The following CDH2 variants were observed in gnomAD, a reference collection of about 807,000 sequenced individuals.
The protein encoded by CDH2 is cadherin-2.
In CDH2, 17 loss-of-function variants were observed where a neutral mutation model predicts 92.0. The ratio of observed to expected loss-of-function variants is 0.18; its 90% CI spans 0.13 to 0.28. The LOEUF is 0.28. Among genes scored for constraint, CDH2 ranks in the 10% least tolerant of loss-of-function variants. The probability of loss-of-function intolerance (pLI) is 1.00; values close to 1 mark genes in which losing one functional copy is unlikely to be tolerated. For missense variants in CDH2, 862 were observed against 1,133.1 expected, an observed-to-expected ratio of 0.76 and a Z score of 3.44; for synonymous variants, 419 against 415.9, an observed-to-expected ratio of 1.01 and a Z score of -0.09.
At chr18:28,157,671 A>C (rs1313626516) in intron 1 of CDH2, among the ~76,000 whole-genome samples, 1 of 152,212 alleles carries the variant, frequency 6.6e-6, no homozygotes, top group East Asian at 1.9e-4. Context: ...ATTGAGACTA[A>C]GTGAAAAATC....
intron 2 of CDH2, among the ~76,000 whole-genome samples, chr18:28,086,846 C>T (rs1480277637): frequency 6.6e-6 from 1 of 152,114 alleles, no homozygotes; most frequent in Non-Finnish European, 1.5e-5. Flanking sequence ...ATAATGAGTT[C>T]TTTTCTCTTA....
intron 14 of CDH2, among the ~76,000 whole-genome samples, chr18:27,975,833 T>G (rs564673264): frequency 6.6e-6 from 1 of 152,240 alleles, no homozygotes; most frequent in South Asian, 2.1e-4. Flanking sequence ...AGAATTTTAT[T>G]GAGCAATGAA....
At chr18:27,949,463 G>A (rs1909356378), downstream of CDH2, among the ~76,000 whole-genome samples, 1 of 151,740 alleles carries the variant, frequency 6.6e-6, no homozygotes. Context: ...AATTAATTAG[G>A]AAATGGTTCA....
At chr18:28,014,669 CA>C (rs2144040489) in intron 2 of CDH2, among the ~76,000 whole-genome samples, 2 of 151,362 alleles carry the variant, frequency 1.3e-5, no homozygotes, top group South Asian at 4.2e-4. Flanking sequence ...AAAATGATGA[CA>C]AGAGTAGAAG....
At chr18:28,118,153 C>T (rs894586024) in intron 2 of CDH2, among the ~76,000 whole-genome samples, 2 of 151,334 alleles carry the variant, frequency 1.3e-5, no homozygotes, top group Admixed American at 6.6e-5. Flanking sequence ...ACAATAAAAC[C>T]GAATCCTTCA....
chr18:27,990,527 T>A (rs554405405), intron 9 of CDH2, among the ~76,000 whole-genome samples, 177 bp from the exon 10 acceptor site: 1 of 152,344 alleles, frequency 6.6e-6, no homozygotes, highest in South Asian at 2.1e-4. Flanking sequence ...AAAATATTTA[T>A]CCCAATTTAA....
intron 2 of CDH2, among the ~76,000 whole-genome samples, chr18:28,056,967 T>C (rs925042910): frequency 7.9e-5 from 12 of 152,296 alleles, no homozygotes; most frequent in Admixed American, 1.3e-4. Flanking sequence ...ATTTTGGTTA[T>C]TGTGTTGAAT....
chr18:28,127,840 CAT>C (rs2015703187), intron 2 of CDH2, among the ~76,000 whole-genome samples: 1 of 152,214 alleles, frequency 6.6e-6, no homozygotes, highest in African/African-American at 2.4e-5. Flanking sequence ...GTATGGTTAA[CAT>C]ATTGTGAAGC....
At position 27,985,731 on chromosome 18, in the gene CDH2, A is replaced by T; in HGVS notation, c.1772T>A (p.Leu591Gln). The change falls in exon 12 of 16, where the codon CTG becomes CAG. Residue 591 changes from leucine (L) to glutamine (Q), a missense_variant. By Grantham distance (113) the Leu-to-Gln change is moderately radical. This residue lies in a region of CDH2 where 564 missense variants were observed against 722.2 expected (regional missense o/e 0.78). Transcript: ENST00000269141. Reference protein sequence around the residue: ...GIPPMSGTGTLQIYLLDINDN... With the variant: ...GIPPMSGTGTQQIYLLDINDN... ...ATTAATATCAAGTAAATAGATCTGC[A>T]GCGTTCCTGTTCCACTCATAGGAGG... 1 of 1,612,550 alleles carries T rather than the reference A, an allele frequency of 6.2e-7. No homozygotes were observed. Among genetic ancestry groups the T allele is most frequent in the Non-Finnish European group, 8.5e-7 (1 of 1,178,750 alleles).
chr18:28,024,743 G>C (rs992927585), intron 2 of CDH2, among the ~76,000 whole-genome samples: 4 of 151,644 alleles, frequency 2.6e-5, no homozygotes, highest in South Asian at 4.2e-4. Flanking sequence ...TTCTAAAAAT[G>C]TGTATCTTAA....
intron 2 of CDH2, among the ~76,000 whole-genome samples, chr18:28,103,210 A>T (rs1283041828): frequency 6.9e-6 from 1 of 145,892 alleles, no homozygotes; most frequent in African/African-American, 2.5e-5. Context: ...TATATATATA[A>T]AGTACATATA....
chr18:28,102,036 C>T (rs1189549077), intron 2 of CDH2, among the ~76,000 whole-genome samples: 1 of 152,034 alleles, frequency 6.6e-6, no homozygotes, highest in Non-Finnish European at 1.5e-5. Context: ...TCCTATTTCC[C>T]ACAGCCACCC....
At chr18:27,993,796 A>G (rs1347591299) in intron 7 of CDH2, among the ~76,000 whole-genome samples, 159 bp from the exon 8 acceptor site, 1 of 152,238 alleles carries the variant, frequency 6.6e-6, no homozygotes, top group Non-Finnish European at 1.5e-5. Context: ...CCTTTAACTT[A>G]TGAAGCACAG....
intron 1 of CDH2, among the ~76,000 whole-genome samples, chr18:28,159,564 A>G (rs1313742370): frequency 3.3e-5 from 5 of 152,138 alleles, no homozygotes; most frequent in Non-Finnish European, 7.4e-5. Flanking sequence ...GAAATAAAAA[A>G]GGAGTCCAAT....
chr18:28,138,084 G>T (rs1598501055), intron 2 of CDH2, among the ~76,000 whole-genome samples: 2 of 151,880 alleles, frequency 1.3e-5, no homozygotes, highest in African/African-American at 4.8e-5. Context: ...CAATTTGACA[G>T]CTTATGTCAT....
chr18:28,115,061 A>G (rs1036588730), intron 2 of CDH2, among the ~76,000 whole-genome samples: 1 of 152,118 alleles, frequency 6.6e-6, no homozygotes, highest in African/African-American at 2.4e-5. Flanking sequence ...GAGGGAGGAG[A>G]ACGTTTCTTG....
At chr18:28,174,977 T>G (rs1207308445) in intron 1 of CDH2, among the ~76,000 whole-genome samples, 1 of 152,194 alleles carries the variant, frequency 6.6e-6, no homozygotes, top group Non-Finnish European at 1.5e-5. Flanking sequence ...AAAAAAATCC[T>G]AATACACAGG....
At chr18:28,141,618 T>C (rs1256451700) in intron 2 of CDH2, among the ~76,000 whole-genome samples, 1 of 152,048 alleles carries the variant, frequency 6.6e-6, no homozygotes, top group Admixed American at 6.6e-5. Flanking sequence ...CATCAGATTA[T>C]TACTAGCCTC....
intron 11 of CDH2, among the ~76,000 whole-genome samples, chr18:27,986,019 C>A (rs940476185): frequency 2.6e-5 from 4 of 152,106 alleles, no homozygotes; most frequent in Non-Finnish European, 5.9e-5. Context: ...GTGATGGAAT[C>A]CCGTACCCTC....
Sources: allele counts gnomAD v4.1 joint callset (sites outside exome capture counted in the v4.1 genomes callset), GRCh38; gene constraint gnomAD v4.1.1; regional missense constraint gnomAD v4.1.1; transcripts MANE v1.5; gene names NCBI Gene and HGNC (gene_info 2026-07-23, HGNC 2026-07-21).